The following LVRN variants were observed in gnomAD, a reference collection of about 807,000 sequenced individuals.
The protein encoded by LVRN is aminopeptidase Q.
Under a neutral mutation model 111.4 loss-of-function variants are expected in LVRN, and 99 were observed. The ratio of observed to expected loss-of-function variants is 0.89; its 90% CI spans 0.76 to 1.05. LVRN has a LOEUF of 1.05. Among genes scored for constraint, LVRN ranks in the 50% least tolerant of loss-of-function variants. The pLI, the probability that LVRN is intolerant of heterozygous loss-of-function variation, is 0.00. For missense variants in LVRN, 1,414 were observed against 1,206.8 expected (o/e 1.17, Z -2.54); for synonymous variants, 488 against 449.5 (o/e 1.09, Z -1.08).
chr5:115,996,433 G>A (rs1315580388), intron 6 of LVRN, among the ~76,000 whole-genome samples: 1 of 152,166 alleles, frequency 6.6e-6, no homozygotes, highest in African/African-American at 2.4e-5. Flanking sequence ...GTGGAGCTGA[G>A]TGAAAGCATC....
rs1362715432 is a variant in LVRN, at chr5:116,010,833, A to G, written c.2186A>G (p.Asn729Ser). ...EIIVWHTVLVNLVTRDLVSEV... is the reference protein window; with the variant it reads ...EIIVWHTVLVSLVTRDLVSEV... ...ATAGTATGGCATACAGTCTTGGTAA[A>G]CTTGGTAACCAGGGATCTTGTTTCT... is the stretch of plus-strand genomic sequence containing the variant. The change falls in exon 14 of 20, where the codon AAC becomes AGC. Residue 729 changes from asparagine to serine, a missense_variant. Physicochemically the swap from Asn to Ser is conservative, Grantham distance 46 (BLOSUM62 1). Transcript: ENST00000357872. The G allele has an allele frequency of 3.1e-6, 5 of 1,611,902 alleles. No individual in the cohort carries two copies. Among genetic ancestry groups the G allele is most frequent in the Non-Finnish European group, 4.2e-6 (5 of 1,178,970 alleles).
intron 6 of LVRN, among the ~76,000 whole-genome samples, chr5:115,996,534 ACCT>A (rs1354425972): frequency 6.6e-6 from 1 of 152,088 alleles, no homozygotes; most frequent in Admixed American, 6.6e-5. Context: ...AAGAACTTTA[ACCT>A]CCTTTTAATC....
chr5:115,991,989 G>A, intron 4 of LVRN, 134 bp from the exon 5 acceptor site: 2 of 756,026 alleles, frequency 2.6e-6, no homozygotes, highest in Non-Finnish European at 4.1e-6. Flanking sequence ...TCTTTAAAAA[G>A]CCTTCTCTCC....
chr5:116,004,227 A>G (rs1423602672), intron 12 of LVRN, among the ~76,000 whole-genome samples: 1 of 152,234 alleles, frequency 6.6e-6, no homozygotes, highest in African/African-American at 2.4e-5. Flanking sequence ...ACTTTATATT[A>G]TAAAATAACT....
chr5:116,019,367 A>T (rs961127884), intron 18 of LVRN, among the ~76,000 whole-genome samples: 2 of 152,190 alleles, frequency 1.3e-5, no homozygotes, highest in African/African-American at 4.8e-5. Context: ...AAACATTGTT[A>T]TGTGGCTCAT....
At chr5:115,980,524 T>C (rs554498661) in intron 1 of LVRN, among the ~76,000 whole-genome samples, 1 of 152,190 alleles carries the variant, frequency 6.6e-6, no homozygotes, top group Admixed American at 6.5e-5. Flanking sequence ...TTTGCTGAAG[T>C]GGTGACTCTT....
Position 115,983,509 on chromosome 5 carries a change from G to A in LVRN, c.838+80G>A, listed in dbSNP as rs187721582. 6 of 1,452,036 alleles carry A rather than the reference G, an allele frequency of 4.1e-6. No individual in the cohort carries two copies. In the African/African-American group the frequency reaches 7.1e-5, roughly 17 times the overall value. The allele number at this position is 1,452,036 out of a possible 1,614,324, so 89.9% of individuals were successfully genotyped here. A position where few individuals can be genotyped will look rare whatever the true frequency, so the allele number is the denominator to read the frequency against. ...CACATTTATACCAGTAGCTTTTCTA[G>A]GCAGTGTATTATGGTGTATTATAAT... On this transcript the variant is annotated intron_variant, in intron 2 of 19. Coordinates refer to ENST00000357872, the MANE Select transcript of LVRN (RefSeq NM_173800.5).
chr5:115,985,136 G>A (rs187147428), intron 3 of LVRN, among the ~76,000 whole-genome samples: 2 of 152,264 alleles, frequency 1.3e-5, no homozygotes, highest in East Asian at 3.9e-4. Context: ...AGGCATCAAC[G>A]AGTCAAAACG....
At chr5:116,003,410 A>T (rs926230700) in intron 12 of LVRN, 30 bp downstream of exon 12, 1 of 1,280,884 alleles carries the variant, frequency 7.8e-7, no homozygotes, top group Non-Finnish European at 1.1e-6. Flanking sequence ...TTTTAATTAA[A>T]TATAATTTAT....
intron 4 of LVRN, among the ~76,000 whole-genome samples, chr5:115,990,676 A>G (rs535054120): frequency 6.6e-6 from 1 of 151,998 alleles, no homozygotes; most frequent in South Asian, 2.1e-4. Context: ...AGTTCAAGTG[A>G]TTCTCCTGCC....
In LVRN at chr5:115,984,701, G is replaced by T. The variant is rs1273683724; in HGVS notation, c.970G>T (p.Gly324Cys). 6 of 1,613,490 alleles carry T rather than the reference G, an allele frequency of 3.7e-6. No individual in the cohort carries two copies. Among genetic ancestry groups the T allele is most frequent in the Non-Finnish European group, 5.1e-6 (6 of 1,179,672 alleles). The change falls in exon 3 of 20, where the codon GGC (glycine) becomes TGC (cysteine). Residue 324 changes from glycine to cysteine, a missense_variant. By Grantham distance (159) the Gly-to-Cys change is radical. Transcript: ENST00000357872. ...DYDHVNRTER[G>C]KEIRIWARKD... ...TGACCACGTCAACAGAACAGAAAGG[G>T]GCAAGGAGGTGAGTGAGGAAGATTC...
rs1753115170 is a variant in LVRN, at chr5:115,962,920, G to A, written c.303G>A (p.Trp101Ter). ...GPWDQLRLPP[W>*]LVPLHYDLEL... ...GGGACCAGCTACGCCTGCCGCCCTGGCTCGTGCCGCTGCACTACGATCTGG... is the reference window on the plus strand; with the variant it reads ...GGGACCAGCTACGCCTGCCGCCCTGACTCGTGCCGCTGCACTACGATCTGG... Residue 101 changes from tryptophan to a stop codon, truncating the protein, a stop_gained, in exon 1 of 20, where the codon TGG becomes TGA. Coordinates refer to ENST00000357872, the MANE Select transcript of LVRN (RefSeq NM_173800.5). LOFTEE classifies it high-confidence loss of function. 6.2e-7 allele frequency: 1 copy of A among 1,612,882 alleles called. No individual in the cohort carries two copies. The highest frequency in any genetic ancestry group is 8.5e-7 in the Non-Finnish European group (1 of 1,179,764).
Position 116,012,578 on chromosome 5 carries a change from A to G in LVRN, c.2342+110A>G, listed in dbSNP as rs974976118. 7.5e-5 allele frequency: 50 copies of G among 665,004 alleles called. 1 individual carries two copies. The highest frequency in any genetic ancestry group is 3.5e-4 in the Admixed American group (11 of 31,366). 41.2% of individuals were successfully genotyped at this position (665,004 alleles called of 1,614,324 possible). A position where few individuals can be genotyped will look rare whatever the true frequency, so the allele number is the denominator to read the frequency against. On this transcript the variant is annotated intron_variant, in intron 15 of 19. Coordinates refer to ENST00000357872, the MANE Select transcript of LVRN (RefSeq NM_173800.5). ...TCTGTTATTCATTGAGAGATTTTAT[A>G]TGCTATTATTATTTGAGAACAATAG...
chr5:116,007,494 T>C (rs1394580364), intron 13 of LVRN, among the ~76,000 whole-genome samples: 1 of 152,220 alleles, frequency 6.6e-6, no homozygotes, highest in East Asian at 1.9e-4. Context: ...CATGAAGCCT[T>C]CCTTGACTTT....
chr5:115,994,143 G>A (rs1021052536), intron 6 of LVRN, among the ~76,000 whole-genome samples: 11 of 151,830 alleles, frequency 7.2e-5, no homozygotes, highest in Admixed American at 2.6e-4. Flanking sequence ...ATAATCCTGA[G>A]TATTTCTACA....
At chr5:115,973,268 T>G (rs1250959365) in intron 1 of LVRN, among the ~76,000 whole-genome samples, 3 of 152,250 alleles carry the variant, frequency 2.0e-5, no homozygotes, top group Non-Finnish European at 4.4e-5. Flanking sequence ...TTGTTCTTGA[T>G]GCATTAGCCT....
intron 11 of LVRN, 43 bp downstream of exon 11, chr5:116,002,954 G>A: frequency 1.5e-6 from 2 of 1,371,048 alleles, no homozygotes; most frequent in Non-Finnish European, 2.0e-6. Flanking sequence ...ATATGCATAT[G>A]TAAAGGCAGG....
Position 116,000,578 on chromosome 5 carries a change from T to C in LVRN, c.1582-15T>C, listed in dbSNP as rs1230875438. 1 of 1,613,712 alleles carries C rather than the reference T, an allele frequency of 6.2e-7. No individual in the cohort carries two copies. Among genetic ancestry groups the C allele is most frequent in the East Asian group, 2.2e-5 (1 of 44,876 alleles). ...CATGCTATTTATTTTAACCTTAACTTTTCTATTTTTACAGTCATATTTGAA... is the reference window on the plus strand; with the variant it reads ...CATGCTATTTATTTTAACCTTAACTCTTCTATTTTTACAGTCATATTTGAA... On this transcript the variant is annotated splice_polypyrimidine_tract_variant and intron_variant, in intron 8 of 19. Coordinates refer to ENST00000357872, the MANE Select transcript of LVRN (RefSeq NM_173800.5).
chr5:115,966,115 T>C (rs1160545041), intron 1 of LVRN, among the ~76,000 whole-genome samples: 1 of 152,196 alleles, frequency 6.6e-6, no homozygotes, highest in Admixed American at 6.5e-5. Flanking sequence ...TATGTCTTTG[T>C]GTCATTTATC....
Sources: gnomAD v4.1 joint callset for allele counts (sites outside exome capture counted in the v4.1 genomes callset) on GRCh38, gnomAD v4.1.1 for gene constraint, MANE v1.5 for transcripts, NCBI Gene and HGNC (gene_info 2026-07-23, HGNC 2026-07-21) for gene names.